Variants in CSMD2 observed in about 807,000 individuals in gnomAD.
CSMD2 encodes the protein CUB and Sushi multiple domains 2, also known as CUB and sushi domain-containing protein 2.
A neutral mutation model predicts 398.5 loss-of-function variants in CSMD2; 130 were observed. That is an observed-to-expected ratio of 0.33 (90% CI 0.28 to 0.38). CSMD2 has a LOEUF of 0.38. Ranked by LOEUF, CSMD2 falls within the 10% of genes least tolerant of loss-of-function variation. CSMD2 has a pLI of 1.00. For missense variants in CSMD2, 3,829 were observed against 4,764.9 expected, an observed-to-expected ratio of 0.80 and a Z score of 5.78; for synonymous variants, 1,828 against 1,908.5, an observed-to-expected ratio of 0.96 and a Z score of 1.10.
intron 9 of CSMD2, among the ~76,000 whole-genome samples, chr1:33,818,933 A>C (rs967119296): frequency 6.6e-6 from 1 of 152,214 alleles, no homozygotes; most frequent in Non-Finnish European, 1.5e-5. Context: ...AGGATCCAGC[A>C]TGTAACTTTG....
chr1:34,028,876 C>T (rs564095952), intron 3 of CSMD2, among the ~76,000 whole-genome samples: 3 of 152,206 alleles, frequency 2.0e-5, no homozygotes, highest in East Asian at 1.9e-4. Flanking sequence ...GTTTGACTAC[C>T]GGCCTTTTTG....
At chr1:33,720,766 C>T (rs557851889) in intron 19 of CSMD2, among the ~76,000 whole-genome samples, 18 of 152,284 alleles carry the variant, frequency 1.2e-4, no homozygotes, top group Admixed American at 6.5e-4. Flanking sequence ...GGCACGATCT[C>T]GGCTCACCGC....
At chr1:33,716,198 T>C (rs917390679) in intron 20 of CSMD2, 88 bp downstream of exon 20, 1 of 1,113,396 alleles carries the variant, frequency 9.0e-7, no homozygotes, top group Admixed American at 2.0e-5. Flanking sequence ...TTAATATCTA[T>C]CTGCTAGGAA....
rs1472011244 is a variant in CSMD2, at chr1:33,714,844, G to A, written c.3218-69C>T. On this transcript the variant is annotated intron_variant, in intron 20 of 70. Coordinates refer to ENST00000373381, the MANE Select transcript of CSMD2 (RefSeq NM_001281956.2). ...AGACACAAAGCAAAAAGATGGGAAC[G>A]CACAGGCAAAACACCAGGGGGAAAG... 3.0e-5 allele frequency: 45 copies of A among 1,505,832 alleles called. 1 individual carries two copies. The highest frequency in any genetic ancestry group is 1.9e-4 in the African/African-American group (14 of 72,496). 93.3% of individuals were successfully genotyped at this position (1,505,832 alleles called of 1,614,324 possible).
At chr1:34,076,610 A>AAATT (rs35461852) in intron 2 of CSMD2, among the ~76,000 whole-genome samples, 148,949 of 152,122 alleles carry the variant, frequency 0.98, 72,996 homozygotes, top group East Asian at 1. Flanking sequence ...CATGATTCAC[A>AAATT]AATTATTTTG....
intron 62 of CSMD2, among the ~76,000 whole-genome samples, chr1:33,534,265 C>T (rs892742363): frequency 1.5e-4 from 23 of 152,190 alleles, no homozygotes; most frequent in Non-Finnish European, 2.8e-4. Flanking sequence ...GTGGGGATGA[C>T]CATCCTTGCC....
At chr1:33,653,272 C>T (rs963756632) in intron 27 of CSMD2, among the ~76,000 whole-genome samples, 7 of 152,196 alleles carry the variant, frequency 4.6e-5, no homozygotes, top group Non-Finnish European at 1.0e-4. Flanking sequence ...ACTGTCTGTA[C>T]ACCTATGAAG....
chr1:33,889,746 T>C (rs1255076528), intron 5 of CSMD2, among the ~76,000 whole-genome samples: 1 of 130,472 alleles, frequency 7.7e-6, no homozygotes. Flanking sequence ...ATGTTTCACC[T>C]CCTATCCTGT....
intron 5 of CSMD2, among the ~76,000 whole-genome samples, chr1:33,902,888 A>G: frequency 6.6e-6 from 1 of 152,126 alleles, no homozygotes; most frequent in East Asian, 1.9e-4. Context: ...GACATAGAGC[A>G]CTATATGGAC....
At chr1:33,523,036 A>G (rs1654456518) in intron 67 of CSMD2, among the ~76,000 whole-genome samples, 2 of 152,254 alleles carry the variant, frequency 1.3e-5, no homozygotes, top group South Asian at 4.2e-4. Context: ...CCCAACCTCC[A>G]TCCCTTGCTT....
At chr1:34,007,937 G>A (rs1201224389) in intron 3 of CSMD2, among the ~76,000 whole-genome samples, 1 of 152,030 alleles carries the variant, frequency 6.6e-6, no homozygotes, top group Non-Finnish European at 1.5e-5. Flanking sequence ...CAAGACATGT[G>A]GTCTTGAAAA....
intron 2 of CSMD2, among the ~76,000 whole-genome samples, chr1:34,059,779 T>C (rs1654264068): frequency 6.6e-6 from 1 of 152,154 alleles, no homozygotes; most frequent in South Asian, 2.1e-4. Context: ...ACATTGTCAG[T>C]ACTGTAGCAC....
intron 13 of CSMD2, among the ~76,000 whole-genome samples, chr1:33,747,221 T>C (rs753120776): frequency 1.3e-5 from 2 of 152,182 alleles, no homozygotes; most frequent in Non-Finnish European, 2.9e-5. Context: ...ACCAATATGG[T>C]AATGAATTTA....
rs1056446554 is a variant in CSMD2 at position 33,542,845 on chromosome 1, C to T, written c.9152G>A (p.Ser3051Asn). The T allele has an allele frequency of 2.5e-6, 4 of 1,614,108 alleles. No homozygotes were observed. The African/African-American group carries it at 4.0e-5, about 16-fold the overall frequency. The change falls in exon 58 of 71, where the codon AGT becomes AAT. Residue 3051 changes from serine (S) to asparagine (N), a missense_variant. Around this residue, in one of 5 missense-constraint regions of CSMD2, gnomAD observed 917 missense variants for 1,199.5 expected, o/e 0.76. Transcript: ENST00000373381. Reference sequence around the variant, plus strand: ...AGAGCTGGAGAAAACCAGGCCATCACTGAACACAACTCGGGCATTACTTGG... The same window carrying T: ...AGAGCTGGAGAAAACCAGGCCATCATTGAACACAACTCGGGCATTACTTGG... ...GTPSNARVVF[S>N]DGLVFSSSIV...
intron 2 of CSMD2, among the ~76,000 whole-genome samples, chr1:34,048,020 T>A (rs371419958): frequency 1.3e-4 from 20 of 152,302 alleles, no homozygotes; most frequent in African/African-American, 4.6e-4. Context: ...CACAGAAGCC[T>A]GAAAACCCCT....
chr1:34,054,344 G>A (rs1263185622), intron 2 of CSMD2, among the ~76,000 whole-genome samples: 1 of 152,132 alleles, frequency 6.6e-6, no homozygotes, highest in Non-Finnish European at 1.5e-5. Context: ...AATCCAAAAA[G>A]TTTCTTCAGG....
At chr1:33,902,078 G>A (rs1015967792) in intron 5 of CSMD2, among the ~76,000 whole-genome samples, 45 of 152,286 alleles carry the variant, frequency 3.0e-4, no homozygotes, top group African/African-American at 1.0e-3. Flanking sequence ...TTTTACAGAG[G>A]TGGGGCTCAG....
At chr1:33,804,887 G>A (rs2124937916) in intron 10 of CSMD2, 1 of 717,286 alleles carries the variant, frequency 1.4e-6, no homozygotes. Flanking sequence ...TGTTCCCTGG[G>A]TCTCCTCCCG....
At chr1:34,125,692 A>G (rs962403872) in intron 1 of CSMD2, among the ~76,000 whole-genome samples, 2 of 152,220 alleles carry the variant, frequency 1.3e-5, no homozygotes, top group African/African-American at 4.8e-5. Flanking sequence ...TAAGAATGTC[A>G]CATCCAATTG....
Sources: allele counts gnomAD v4.1 joint callset (sites outside exome capture counted in the v4.1 genomes callset), GRCh38; gene constraint gnomAD v4.1.1; regional missense constraint gnomAD v4.1.1; transcripts MANE v1.5; gene names NCBI Gene and HGNC (gene_info 2026-07-23, HGNC 2026-07-21).